Variants in ESRRG observed in about 807,000 individuals in gnomAD.
ESRRG encodes estrogen related receptor gamma, also known as estrogen-related receptor gamma.
Under a neutral mutation model 44.0 loss-of-function variants are expected in ESRRG, and 13 were observed. The observed-to-expected ratio is 0.30, with a 90% CI of 0.19 to 0.47. ESRRG has a LOEUF of 0.47. Ranked by LOEUF, ESRRG falls within the 20% of genes least tolerant of loss-of-function variation. The probability of loss-of-function intolerance (pLI) is 1.00; values close to 1 mark genes in which losing one functional copy is unlikely to be tolerated. For synonymous variants in ESRRG, 215 were observed against 214.6 expected (o/e 1.00, Z -0.02); for missense variants, 395 against 580.6 (o/e 0.68, Z 3.29).
rs2040801982 is a variant in ESRRG at position 216,504,057 on chromosome 1, G to A, written c.*2882C>T. On this transcript the variant is annotated 3_prime_UTR_variant, in exon 7 of 7. Transcript: ENST00000408911. ...TGTGAGATACTTACTCTTTTGTAAT[G>A]CTGAGAGTTACTTAAACTGAAAACT... The A allele has an allele frequency of 6.6e-6, 1 of 152,476 alleles. No individual in the cohort carries two copies. Among genetic ancestry groups the A allele is most frequent in the African/African-American group, 2.4e-5 (1 of 41,404 alleles). 9.4% of individuals were successfully genotyped at this position (152,476 alleles called of 1,614,324 possible). A position where few individuals can be genotyped will look rare whatever the true frequency, so the allele number is the denominator to read the frequency against.
chr1:216,964,512 G>C (rs992802504), intron 1 of ESRRG, among the ~76,000 whole-genome samples: 1 of 152,114 alleles, frequency 6.6e-6, no homozygotes, highest in African/African-American at 2.4e-5. Context: ...GGGGAGTTTA[G>C]ATAATGGCAG....
In ESRRG at chr1:216,503,971, G is replaced by A. The variant is rs1321554488; in HGVS notation, c.*2968C>T. The A allele has an allele frequency of 6.6e-6, 1 of 152,520 alleles. No individual in the cohort carries two copies. The highest frequency in any genetic ancestry group is 1.5e-5 in the Non-Finnish European group (1 of 67,982). The allele number at this position is 152,520 out of a possible 1,614,324, so 9.4% of individuals were successfully genotyped here. A position where few individuals can be genotyped will look rare whatever the true frequency, so the allele number is the denominator to read the frequency against. On this transcript the variant is annotated 3_prime_UTR_variant, in exon 7 of 7. Transcript: ENST00000408911. ...TTCCCTCTAGTGAGGTTTAAGATGA[G>A]CATTTACCCTAAAGCCCGTGCAGTT...
intron 3 of ESRRG, among the ~76,000 whole-genome samples, chr1:216,642,872 G>A (rs1211476830): frequency 6.8e-6 from 1 of 147,480 alleles, no homozygotes; most frequent in Non-Finnish European, 1.5e-5. Flanking sequence ...ATTATACTAA[G>A]TAGGCTCTTT....
At chr1:217,123,517 T>C (rs2092849464) in intron 1 of ESRRG, among the ~76,000 whole-genome samples, 1 of 152,076 alleles carries the variant, frequency 6.6e-6, no homozygotes, top group South Asian at 2.1e-4. Context: ...TGCTGATCAA[T>C]GATAGACTGG....
At chr1:216,564,935 T>C (rs11572779) in intron 4 of ESRRG, among the ~76,000 whole-genome samples, 1,622 of 152,234 alleles carry the variant, frequency 0.011, 14 homozygotes, top group Non-Finnish European at 0.016. Flanking sequence ...TCTATCTCCG[T>C]GGGATGCATT....
chr1:216,541,561 AGT>A (rs34245595), intron 5 of ESRRG, among the ~76,000 whole-genome samples: 11,246 of 130,078 alleles, frequency 0.086, 370 homozygotes, highest in Non-Finnish European at 0.11. Context: ...TCTTTTGGTT[AGT>A]GTGTGTGTGT....
chr1:217,027,423 C>A (rs2081384616), intron 1 of ESRRG, among the ~76,000 whole-genome samples: 1 of 152,154 alleles, frequency 6.6e-6, no homozygotes, highest in African/African-American at 2.4e-5. Flanking sequence ...ACCACCCTTA[C>A]AGAGGTGATT....
upstream of ESRRG, among the ~76,000 whole-genome samples, chr1:217,092,095 G>A (rs978372122): frequency 1.3e-5 from 2 of 152,152 alleles, no homozygotes; most frequent in African/African-American, 4.8e-5. Context: ...TAGAGGCAGC[G>A]TACCCAAGAA....
chr1:216,997,832 AC>A (rs1286260451), intron 1 of ESRRG, among the ~76,000 whole-genome samples: 1 of 152,192 alleles, frequency 6.6e-6, no homozygotes, highest in African/African-American at 2.4e-5. Flanking sequence ...CATCCAAGGA[AC>A]CCAAATTATT....
At chr1:216,569,464 C>T (rs2060388487) in intron 3 of ESRRG, among the ~76,000 whole-genome samples, 1 of 152,020 alleles carries the variant, frequency 6.6e-6, no homozygotes, top group Non-Finnish European at 1.5e-5. Context: ...GATTTTCTGG[C>T]AGCGGATTTA....
chr1:216,681,236 A>T (rs1204567049), intron 1 of ESRRG, among the ~76,000 whole-genome samples: 2 of 152,176 alleles, frequency 1.3e-5, no homozygotes, highest in Non-Finnish European at 2.9e-5. Flanking sequence ...AGAATAAACT[A>T]GAGGGGGAAA....
At chr1:216,578,176 G>A (rs35508539) in intron 3 of ESRRG, among the ~76,000 whole-genome samples, 21,840 of 152,006 alleles carry the variant, frequency 0.14, 2,067 homozygotes, top group Non-Finnish European at 0.21. Flanking sequence ...AGGAAAAAAT[G>A]TTTCCTCTTA....
intron 2 of ESRRG, among the ~76,000 whole-genome samples, chr1:216,653,951 CA>C (rs5780901): frequency 1.5e-3 from 217 of 142,290 alleles, no homozygotes; most frequent in Admixed American, 1.9e-3. Context: ...CCATCTCTAC[CA>C]AAAAAAAAAA....
chr1:217,112,137 C>A (rs572360375), intron 1 of ESRRG, among the ~76,000 whole-genome samples: 15 of 152,252 alleles, frequency 9.9e-5, no homozygotes, highest in African/African-American at 3.6e-4. Context: ...CAGAAGAGAA[C>A]CCAGGCAAGA....
intron 4 of ESRRG, among the ~76,000 whole-genome samples, chr1:216,567,731 C>T (rs1288728182): frequency 6.6e-6 from 1 of 152,034 alleles, no homozygotes; most frequent in Non-Finnish European, 1.5e-5. Flanking sequence ...TATTAATATG[C>T]TTATGCTTCC....
intron 5 of ESRRG, among the ~76,000 whole-genome samples, chr1:216,546,733 A>T (rs573864292): frequency 1.0e-3 from 152 of 152,064 alleles, no homozygotes; most frequent in African/African-American, 3.6e-3. Context: ...CTACATTAGT[A>T]ATTTGGTTTA....
intron 2 of ESRRG, among the ~76,000 whole-genome samples, chr1:216,811,617 G>A (rs1201633723): frequency 2.0e-5 from 3 of 152,122 alleles, no homozygotes; most frequent in African/African-American, 7.2e-5. Flanking sequence ...CATCAACCTG[G>A]CAATTTTACT....
intron 1 of ESRRG, among the ~76,000 whole-genome samples, chr1:216,958,362 T>G (rs978027362): frequency 6.6e-6 from 1 of 152,164 alleles, no homozygotes; most frequent in Non-Finnish European, 1.5e-5. Context: ...TTTCAAAGTG[T>G]TGTGTTATTT....
chr1:216,753,837 G>A (rs945692988), intron 2 of ESRRG, among the ~76,000 whole-genome samples: 3 of 152,014 alleles, frequency 2.0e-5, no homozygotes, highest in African/African-American at 4.8e-5. Context: ...GGAGGGAGGA[G>A]GTGGGGAGTC....
Sources: gnomAD v4.1 joint callset for allele counts (sites outside exome capture counted in the v4.1 genomes callset) on GRCh38, gnomAD v4.1.1 for gene constraint, MANE v1.5 for transcripts, NCBI Gene and HGNC (gene_info 2026-07-23, HGNC 2026-07-21) for gene names.